COL4A1: variants seen among roughly 807,000 people sequenced by gnomAD.
COL4A1 encodes collagen type IV alpha 1 chain, also known as collagen alpha-1(IV) chain.
Under a neutral mutation model 216.6 loss-of-function variants are expected in COL4A1, and 40 were observed. The ratio of observed to expected loss-of-function variants is 0.18; its 90% confidence interval spans 0.14 to 0.24. COL4A1 has a LOEUF of 0.24. COL4A1 is among the 10% of genes least tolerant of loss of function. The probability of loss-of-function intolerance (pLI) is 1.00; values close to 1 mark genes in which losing one functional copy is unlikely to be tolerated. For synonymous variants in COL4A1, 839 were observed against 810.7 expected, an observed-to-expected ratio of 1.03 and a Z score of -0.59; for missense variants, 1,628 against 2,196.8, an observed-to-expected ratio of 0.74 and a Z score of 5.18.
rs1555304112 is a variant in COL4A1 at position 110,186,463 on chromosome 13, C to G, written c.1819G>C (p.Gly607Arg). 3.1e-6 allele frequency: 5 copies of G among 1,613,798 alleles called. No individual in the cohort carries two copies. The highest frequency in any genetic ancestry group is 4.2e-6 in the Non-Finnish European group (5 of 1,179,958). The stretch of plus-strand genomic sequence containing the variant: ...CCAATGGGACCAGCAGGACCATATC[C>G]TGGAGGCCCAGGGGGGCCGGTGTCA... ...RGDTGPPGPP[G>R]YGPAGPIGDK... Residue 607 changes from glycine to arginine, a missense_variant, in exon 26 of 52, where the codon GGA becomes CGA. Gly to Arg is a moderately radical substitution (Grantham distance 125). Around this residue, in one of 8 missense-constraint regions of COL4A1, gnomAD observed 701 missense variants for 892.5 expected, o/e 0.79. Coordinates refer to ENST00000375820, the MANE Select transcript of COL4A1 (RefSeq NM_001845.6).
intron 17 of COL4A1, 129 bp downstream of exon 17, chr13:110,205,224 T>C: frequency 1.8e-6 from 2 of 1,103,672 alleles, no homozygotes; most frequent in Non-Finnish European, 2.7e-6. Context: ...AATTGTGTTT[T>C]TACCCAGAAG....
intron 2 of COL4A1, among the ~76,000 whole-genome samples, chr13:110,240,876 G>A (rs1881535307): frequency 6.6e-6 from 1 of 152,064 alleles, no homozygotes; most frequent in Middle Eastern, 3.2e-3. Flanking sequence ...TTGGTTTTTG[G>A]TTTTTGGTTT....
At chr13:110,177,685 A>C (rs1460727036) in intron 33 of COL4A1, among the ~76,000 whole-genome samples, 157 bp downstream of exon 33, 2 of 152,022 alleles carry the variant, frequency 1.3e-5, no homozygotes, top group Non-Finnish European at 2.9e-5. Context: ...CAGGAATCCT[A>C]CTGGAAGAAG....
At chr13:110,182,894 C>T (rs1258000326) in intron 28 of COL4A1, 99 bp downstream of exon 28, 20 of 1,143,930 alleles carry the variant, frequency 1.7e-5, no homozygotes, top group Non-Finnish European at 2.2e-5. Flanking sequence ...CCCTGAACAG[C>T]GGTCACCAGC....
At chr13:110,297,518 A>G (rs991929333) in intron 1 of COL4A1, among the ~76,000 whole-genome samples, 43 of 152,262 alleles carry the variant, frequency 2.8e-4, no homozygotes, top group African/African-American at 1.0e-3. Flanking sequence ...GGGCAAATAA[A>G]TTTATTTTTA....
In COL4A1 at chr13:110,184,056, C is replaced by T. The variant is rs142108253; in HGVS notation, c.1898-780G>A. Among the ~76,000 whole-genome samples, 100 of 152,366 alleles carry T rather than the reference C, an allele frequency of 6.6e-4. 2 individuals are homozygous for T. The East Asian group carries it at 0.014, about 22-fold the overall frequency. On this transcript the variant is annotated intron_variant, in intron 26 of 51. Transcript: ENST00000375820. ...GCCAACTGAACGACCCTAGGAAATG[C>T]CTGCTGTTGGTGACACACACCCTGG...
chr13:110,266,564 G>C (rs766676047), intron 1 of COL4A1, among the ~76,000 whole-genome samples: 2 of 152,188 alleles, frequency 1.3e-5, no homozygotes, highest in Non-Finnish European at 2.9e-5. Context: ...AGTATACGTC[G>C]CGGAGACCAG....
chr13:110,167,349 A>G, intron 43 of COL4A1, 119 bp from the exon 44 acceptor site: 1 of 804,532 alleles, frequency 1.2e-6, no homozygotes, highest in East Asian at 2.4e-5. Context: ...ACATTTGTGA[A>G]CAAATGGTGC....
At chr13:110,274,024 T>C (rs1013217249) in intron 1 of COL4A1, among the ~76,000 whole-genome samples, 102 of 152,202 alleles carry the variant, frequency 6.7e-4, no homozygotes, top group African/African-American at 2.3e-3. Context: ...TATTTAAAAA[T>C]ACAGCGTTAC....
chr13:110,186,638 A>C (rs928848147), intron 25 of COL4A1, 85 bp from the exon 26 acceptor site: 2 of 1,529,246 alleles, frequency 1.3e-6, no homozygotes, highest in Non-Finnish European at 1.8e-6. Flanking sequence ...ATTTGTGGTC[A>C]ATAAGTACTA....
intron 2 of COL4A1, among the ~76,000 whole-genome samples, chr13:110,222,923 G>A (rs1268279629): frequency 2.0e-5 from 3 of 151,552 alleles, no homozygotes; most frequent in Non-Finnish European, 1.5e-5. Context: ...TGGCCTAAAA[G>A]AACTCTATGG....
intron 10 of COL4A1, 136 bp from the exon 11 acceptor site, chr13:110,209,563 C>A: frequency 1.4e-6 from 1 of 729,336 alleles, no homozygotes; most frequent in East Asian, 2.5e-5. Context: ...CTGGGCTTCC[C>A]CTCCCTCCCC....
At chr13:110,292,393 A>G (rs968361933) in intron 1 of COL4A1, among the ~76,000 whole-genome samples, 1 of 152,200 alleles carries the variant, frequency 6.6e-6, no homozygotes, top group African/African-American at 2.4e-5. Flanking sequence ...TGTGGTCTAG[A>G]CTGGACTATA....
In COL4A1 at chr13:110,205,754, T is replaced by C. The variant is rs190781618; in HGVS notation, c.859-216A>G. ...GGCAGGTACCTGTAGTCCCACCTAC[T>C]TGGGAGGCTGAGGCAGGAGAATCAC... is the stretch of plus-strand genomic sequence containing the variant. On this transcript the variant is annotated intron_variant, in intron 15 of 51. Coordinates refer to ENST00000375820, the MANE Select transcript of COL4A1 (RefSeq NM_001845.6). Among the ~76,000 whole-genome samples the C allele has an allele frequency of 1.6e-3, 239 of 151,968 alleles. 3 individuals are homozygous for C. The highest frequency in any genetic ancestry group is 4.7e-3 in the Admixed American group (72 of 15,258).
intron 4 of COL4A1, 118 bp downstream of exon 4, chr13:110,213,655 TGCTGTGTGA>T: frequency 1.1e-6 from 1 of 941,998 alleles, no homozygotes; most frequent in East Asian, 2.5e-5. Flanking sequence ...TGCCTGCCCG[TGCTGTGTGA>T]GCTGGGAGAG....
intron 1 of COL4A1, among the ~76,000 whole-genome samples, chr13:110,250,191 A>G (rs569346630): frequency 6.6e-6 from 1 of 151,368 alleles, no homozygotes; most frequent in East Asian, 1.9e-4. Context: ...ACAAGAGTTG[A>G]TACATTCTTG....
intron 43 of COL4A1, 132 bp downstream of exon 43, chr13:110,169,497 A>AC: frequency 1.7e-6 from 2 of 1,183,610 alleles, no homozygotes; most frequent in South Asian, 1.5e-5. Context: ...GTGGGAGTGT[A>AC]ACACACACAC....
Position 110,205,680 on chromosome 13 carries a change from T to G in COL4A1, c.859-142A>C, listed in dbSNP as rs923885727. On this transcript the variant is annotated intron_variant, in intron 15 of 51. Transcript: ENST00000375820. Reference sequence around the variant, plus strand: ...GAGTTCGAGACCAGCCTGGCCAACATGGCGAAATCCCGTCTCCACTAAAAA... The same window carrying G: ...GAGTTCGAGACCAGCCTGGCCAACAGGGCGAAATCCCGTCTCCACTAAAAA... 4.5e-6 allele frequency: 4 copies of G among 881,934 alleles called. No homozygotes were observed. The African/African-American group carries it at 6.7e-5, about 15-fold the overall frequency. The allele number at this position is 881,934 out of a possible 1,614,324, so 54.6% of individuals were successfully genotyped here.
intron 1 of COL4A1, among the ~76,000 whole-genome samples, chr13:110,304,115 G>T (rs950847874): frequency 2.0e-5 from 3 of 152,154 alleles, no homozygotes; most frequent in African/African-American, 7.2e-5. Context: ...TGGTCTTAAA[G>T]TTATGTCCCT....
Sources: gnomAD v4.1 joint callset for allele counts (sites outside exome capture counted in the v4.1 genomes callset) on GRCh38, gnomAD v4.1.1 for gene constraint, gnomAD v4.1.1 regional missense constraint, MANE v1.5 for transcripts, NCBI Gene and HGNC (gene_info 2026-07-23, HGNC 2026-07-21) for gene names.